Variants in ABCC4 observed in about 807,000 individuals in gnomAD.
The protein encoded by ABCC4 is ATP binding cassette subfamily C member 4 (PEL blood group).
Under a neutral mutation model 168.5 loss-of-function variants are expected in ABCC4, and 102 were observed. That is an observed-to-expected ratio of 0.61 (90% CI 0.52 to 0.71). The LOEUF is 0.71. Among genes scored for constraint, ABCC4 ranks in the 30% least tolerant of loss-of-function variants. ABCC4 has a pLI of 0.00. For synonymous variants in ABCC4, 617 were observed against 590.7 expected, an observed-to-expected ratio of 1.04 and a Z score of -0.65; for missense variants, 1,402 against 1,605.8, an observed-to-expected ratio of 0.87 and a Z score of 2.17.
chr13:95,205,898 C>T (rs1192414790), intron 8 of ABCC4, among the ~76,000 whole-genome samples: 3 of 151,994 alleles, frequency 2.0e-5, no homozygotes, highest in African/African-American at 7.3e-5. Context: ...TTGTTACAGT[C>T]GTACAAATGG....
chr13:95,043,874 T>TAA, intron 28 of ABCC4, 87 bp from the exon 29 acceptor site: 2 of 766,976 alleles, frequency 2.6e-6, no homozygotes, highest in East Asian at 2.9e-5. Flanking sequence ...AATAGAGATT[T>TAA]AAAAAAAAAA....
chr13:95,147,258 T>C (rs1405083888), intron 19 of ABCC4, among the ~76,000 whole-genome samples: 2 of 152,256 alleles, frequency 1.3e-5, no homozygotes. Context: ...GTCAGTACTT[T>C]ACGGCATTTT....
chr13:95,258,274 G>C (rs891174496), intron 1 of ABCC4, among the ~76,000 whole-genome samples: 1 of 152,124 alleles, frequency 6.6e-6, no homozygotes, highest in African/African-American at 2.4e-5. Context: ...TGAAACTCAT[G>C]GTGGGGTGCT....
chr13:95,249,773 G>T (rs2138814573), intron 1 of ABCC4, among the ~76,000 whole-genome samples: 1 of 152,200 alleles, frequency 6.6e-6, no homozygotes. Flanking sequence ...TGTCTTTTTG[G>T]ACTAAAGAGG....
chr13:95,251,606 C>T (rs915594324), intron 1 of ABCC4, among the ~76,000 whole-genome samples: 5 of 152,176 alleles, frequency 3.3e-5, no homozygotes, highest in Admixed American at 3.3e-4. Flanking sequence ...GAGGGAAGGT[C>T]CTCTCTGCTG....
intron 20 of ABCC4, among the ~76,000 whole-genome samples, chr13:95,102,634 CTT>C (rs111272484): frequency 1.4e-5 from 2 of 143,738 alleles, no homozygotes; most frequent in Non-Finnish European, 3.0e-5. Flanking sequence ...CTAGTCACAC[CTT>C]TTTTTTTTTT....
At chr13:95,283,355 T>C (rs2041176356) in intron 1 of ABCC4, among the ~76,000 whole-genome samples, 1 of 146,372 alleles carries the variant, frequency 6.8e-6, no homozygotes, top group South Asian at 2.2e-4. Context: ...TTGAAGTTTT[T>C]CTGTGGTTTT....
At chr13:95,080,512 C>T (rs537886668) in intron 21 of ABCC4, among the ~76,000 whole-genome samples, 23 of 152,292 alleles carry the variant, frequency 1.5e-4, no homozygotes, top group African/African-American at 4.6e-4. Flanking sequence ...ATTCTCCTGC[C>T]TCAGCCTGCC....
intron 20 of ABCC4, among the ~76,000 whole-genome samples, chr13:95,115,317 T>A (rs1159690990): frequency 6.0e-5 from 9 of 151,052 alleles, no homozygotes; most frequent in Non-Finnish European, 4.4e-5. Context: ...GCAATCAACG[T>A]GTGAAAACAA....
chr13:95,293,307 G>A (rs1016360604), intron 1 of ABCC4, among the ~76,000 whole-genome samples: 1 of 151,572 alleles, frequency 6.6e-6, no homozygotes, highest in Non-Finnish European at 1.5e-5. Flanking sequence ...GTAGTGAGCC[G>A]AGATCATGCC....
At position 95,020,541 on chromosome 13, in the gene ABCC4, G is replaced by A. The variant is rs1392084063; in HGVS notation, c.*1034C>T. Reference sequence around the variant, plus strand: ...GGTCAGGAGTAAACTAACCTGGACAGGCTCATGAAAATGAACCCCTGGATG... The same window carrying A: ...GGTCAGGAGTAAACTAACCTGGACAAGCTCATGAAAATGAACCCCTGGATG... On this transcript the variant is annotated 3_prime_UTR_variant, in exon 31 of 31. Transcript: ENST00000645237. The A allele has an allele frequency of 6.6e-6, 1 of 152,388 alleles. No homozygotes were observed. Among genetic ancestry groups the A allele is most frequent in the African/African-American group, 2.4e-5 (1 of 41,436 alleles). 9.4% of individuals were successfully genotyped at this position (152,388 alleles called of 1,614,324 possible).
At chr13:95,131,234 A>G (rs1465742459) in intron 19 of ABCC4, among the ~76,000 whole-genome samples, 1 of 152,340 alleles carries the variant, frequency 6.6e-6, no homozygotes, top group Non-Finnish European at 1.5e-5. Context: ...TTTCAAGTGT[A>G]GGATTAAAAA....
At chr13:95,061,630 G>A (rs1041248448) in intron 26 of ABCC4, among the ~76,000 whole-genome samples, 16 of 116,894 alleles carry the variant, frequency 1.4e-4, no homozygotes, top group African/African-American at 4.2e-4. Context: ...GTGTGTGTGT[G>A]TGTGTGTTCC....
At chr13:95,060,761 C>T (rs2033258245) in intron 26 of ABCC4, among the ~76,000 whole-genome samples, 2 of 152,152 alleles carry the variant, frequency 1.3e-5, no homozygotes, top group African/African-American at 4.8e-5. Context: ...ATAAAATTTA[C>T]TGCTTTTGCC....
At chr13:95,073,103 G>T in intron 24 of ABCC4, 101 bp downstream of exon 24, 1 of 880,900 alleles carries the variant, frequency 1.1e-6, no homozygotes, top group East Asian at 2.8e-5. Flanking sequence ...TGTTACCAAA[G>T]ATGTAAAAAT....
intron 26 of ABCC4, chr13:95,055,432 A>G (rs2033015646): frequency 6.6e-6 from 1 of 152,234 alleles, no homozygotes; most frequent in Non-Finnish European, 1.5e-5. Context: ...CTCCATTGTT[A>G]GCAAAACCAA....
intron 19 of ABCC4, among the ~76,000 whole-genome samples, chr13:95,142,140 T>A (rs2036338319): frequency 6.6e-6 from 1 of 152,206 alleles, no homozygotes; most frequent in Non-Finnish European, 1.5e-5. Context: ...ATGTGCCTGT[T>A]TATAGCAGCA....
intron 30 of ABCC4, among the ~76,000 whole-genome samples, chr13:95,031,795 C>T (rs1474131090): frequency 6.6e-6 from 1 of 152,198 alleles, no homozygotes. Context: ...GTTTCCTCAT[C>T]TGTAAAACAA....
At chr13:95,243,634 C>T (rs1221988995) in intron 3 of ABCC4, among the ~76,000 whole-genome samples, 1 of 152,160 alleles carries the variant, frequency 6.6e-6, no homozygotes, top group Non-Finnish European at 1.5e-5. Flanking sequence ...CACCTGTAAT[C>T]CCATTAATTT....
Sources: gnomAD v4.1 joint callset for allele counts (sites outside exome capture counted in the v4.1 genomes callset) on GRCh38, gnomAD v4.1.1 for gene constraint, MANE v1.5 for transcripts, NCBI Gene and HGNC (gene_info 2026-07-23, HGNC 2026-07-21) for gene names.